Variants in COG5 observed in about 807,000 individuals in gnomAD.
COG5 encodes the protein conserved oligomeric Golgi complex subunit 5.
In COG5, 86 loss-of-function variants were observed where a neutral mutation model predicts 110.4. The observed-to-expected ratio is 0.78, with a 90% CI of 0.65 to 0.93. The LOEUF (loss-of-function observed/expected upper bound fraction) is 0.93. Ranked by LOEUF, COG5 falls within the 40% of genes least tolerant of loss-of-function variation. COG5 has a pLI of 0.00. For synonymous variants in COG5, 360 were observed against 334.6 expected, an observed-to-expected ratio of 1.08 and a Z score of -0.83; for missense variants, 1,077 against 987.0, an observed-to-expected ratio of 1.09 and a Z score of -1.22.
At chr7:107,547,194 T>C (rs1375280532) in intron 5 of COG5, among the ~76,000 whole-genome samples, 1 of 152,192 alleles carries the variant, frequency 6.6e-6, no homozygotes, top group Non-Finnish European at 1.5e-5. Flanking sequence ...GTGAGATTTA[T>C]CTCTGGGGTG....
chr7:107,442,567 C>G (rs1479882082), intron 6 of COG5, among the ~76,000 whole-genome samples: 1 of 148,950 alleles, frequency 6.7e-6, no homozygotes, highest in Non-Finnish European at 1.5e-5. Context: ...TCCCTCCCTA[C>G]TTTCACATAT....
intron 18 of COG5, among the ~76,000 whole-genome samples, chr7:107,234,731 G>C (rs570939150): frequency 1.4e-4 from 21 of 152,128 alleles, no homozygotes; most frequent in African/African-American, 5.1e-4. Flanking sequence ...CAAAATTAAG[G>C]AGGAAAGGGG....
rs184477164 is a variant in COG5 at position 107,225,021 on chromosome 7, C to T, written c.2168+5594G>A. On this transcript the variant is annotated intron_variant, in intron 19 of 21. Transcript: ENST00000297135. ...GGCTGCATGATGGGGGAAGGGAGCA[C>T]CTACTAAGGCCTGTGTGTGTGTATG... Among the ~76,000 whole-genome samples the T allele has an allele frequency of 1.2e-3, 181 of 152,294 alleles. 1 individual carries two copies. Among genetic ancestry groups the T allele is most frequent in the Middle Eastern group, 3.4e-3 (1 of 294 alleles).
chr7:107,366,357 C>G (rs1383687483), intron 8 of COG5, among the ~76,000 whole-genome samples: 1 of 152,038 alleles, frequency 6.6e-6, no homozygotes, highest in Non-Finnish European at 1.5e-5. Context: ...CCACAGCATG[C>G]CCAGCACCAA....
intron 6 of COG5, among the ~76,000 whole-genome samples, chr7:107,426,337 C>T (rs1366943139): frequency 6.6e-6 from 1 of 152,142 alleles, no homozygotes; most frequent in Non-Finnish European, 1.5e-5. Flanking sequence ...AATTAACTTG[C>T]CCAAGTTCAT....
intron 7 of COG5, among the ~76,000 whole-genome samples, chr7:107,386,899 G>C (rs1279936759): frequency 2.0e-5 from 3 of 152,024 alleles, no homozygotes; most frequent in Non-Finnish European, 4.4e-5. Context: ...GAAGGAGGAG[G>C]AAAGTCACCT....
intron 6 of COG5, among the ~76,000 whole-genome samples, chr7:107,504,319 A>G (rs969973775): frequency 2.0e-5 from 3 of 152,184 alleles, no homozygotes; most frequent in Admixed American, 6.5e-5. Flanking sequence ...TGCATATGTT[A>G]AATCATCCCT....
At chr7:107,361,335 G>A (rs184131283) in intron 10 of COG5, among the ~76,000 whole-genome samples, 19 of 152,054 alleles carry the variant, frequency 1.2e-4, no homozygotes. Flanking sequence ...AGTACTTTAT[G>A]GGAAAAATCA....
At chr7:107,370,606 T>C (rs1273457221) in intron 8 of COG5, among the ~76,000 whole-genome samples, 1 of 151,778 alleles carries the variant, frequency 6.6e-6, no homozygotes, top group Non-Finnish European at 1.5e-5. Flanking sequence ...GCCAACATGA[T>C]GAAACCCCGT....
At chr7:107,455,989 G>A (rs201753800) in intron 6 of COG5, among the ~76,000 whole-genome samples, 8 of 151,892 alleles carry the variant, frequency 5.3e-5, no homozygotes, top group Non-Finnish European at 1.2e-4. Flanking sequence ...AGTAGAGACA[G>A]GGTTTCCCCA....
intron 6 of COG5, among the ~76,000 whole-genome samples, chr7:107,488,388 A>T (rs1321691801): frequency 1.3e-5 from 2 of 152,170 alleles, no homozygotes; most frequent in African/African-American, 4.8e-5. Context: ...GATTGAGACT[A>T]AGTTGTTGAC....
intron 16 of COG5, 105 bp from the exon 17 acceptor site, chr7:107,248,604 A>G (rs1330834483): frequency 1.3e-6 from 1 of 760,664 alleles, no homozygotes; most frequent in African/African-American, 1.8e-5. Context: ...TTTTCATATT[A>G]TATCAAATGC....
At chr7:107,253,066 T>A (rs977860555) in intron 16 of COG5, 5 of 152,182 alleles carry the variant, frequency 3.3e-5, no homozygotes, top group Non-Finnish European at 7.4e-5. Context: ...TTCAACACTG[T>A]ACTGCAGATC....
intron 7 of COG5, among the ~76,000 whole-genome samples, chr7:107,382,020 C>T (rs1462927139): frequency 6.6e-6 from 1 of 152,158 alleles, no homozygotes; most frequent in Non-Finnish European, 1.5e-5. Context: ...CATGACACAA[C>T]TGAAAAAACT....
intron 12 of COG5, among the ~76,000 whole-genome samples, chr7:107,292,582 TG>T (rs1174764893): frequency 6.6e-6 from 1 of 152,212 alleles, no homozygotes; most frequent in African/African-American, 2.4e-5. Flanking sequence ...AGGCCTTTCC[TG>T]GGCCTTAAAG....
chr7:107,283,528 T>C (rs769605254), intron 13 of COG5, 43 bp downstream of exon 13: 108 of 1,518,896 alleles, frequency 7.1e-5, no homozygotes, highest in Non-Finnish European at 9.2e-5. Context: ...CTAACAAATA[T>C]GGCAGTCATC....
chr7:107,476,184 TAAAAAAAAAAAA>T (rs34741713), intron 6 of COG5, among the ~76,000 whole-genome samples: 1 of 44,070 alleles, frequency 2.3e-5, no homozygotes, highest in Non-Finnish European at 4.3e-5. Context: ...GCAATGATTT[TAAAAAAAAAAAA>T]AAAAAAAAAA....
At chr7:107,264,626 G>C (rs1803651723) in intron 14 of COG5, among the ~76,000 whole-genome samples, 1 of 152,074 alleles carries the variant, frequency 6.6e-6, no homozygotes, top group Non-Finnish European at 1.5e-5. Context: ...CCAAGAGGTG[G>C]AGATTGCAGT....
chr7:107,424,912 T>G (rs1793545398), intron 6 of COG5, among the ~76,000 whole-genome samples: 1 of 152,148 alleles, frequency 6.6e-6, no homozygotes, highest in African/African-American at 2.4e-5. Flanking sequence ...AAAAGCTTAG[T>G]GGACACTGAC....
Sources: allele counts gnomAD v4.1 joint callset (sites outside exome capture counted in the v4.1 genomes callset), GRCh38; gene constraint gnomAD v4.1.1; transcripts MANE v1.5; gene names NCBI Gene and HGNC (gene_info 2026-07-23, HGNC 2026-07-21).